Variants in HDAC9 observed in about 807,000 individuals in gnomAD.
The protein encoded by HDAC9 is histone deacetylase 9.
In HDAC9, 41 loss-of-function variants were observed where a neutral mutation model predicts 139.4. The observed-to-expected ratio is 0.29, with a 90% confidence interval of 0.23 to 0.38. The LOEUF (loss-of-function observed/expected upper bound fraction) is 0.38. Ranked by LOEUF, HDAC9 falls within the 10% of genes least tolerant of loss-of-function variation. The pLI is 1.00. For synonymous variants in HDAC9, 517 were observed against 476.2 expected, an observed-to-expected ratio of 1.09 and a Z score of -1.12; for missense variants, 1,147 against 1,297.0, an observed-to-expected ratio of 0.88 and a Z score of 1.78.
At chr7:18,618,467 T>C (rs1372868041) in intron 6 of HDAC9, among the ~76,000 whole-genome samples, 5 of 151,942 alleles carry the variant, frequency 3.3e-5, no homozygotes, top group Admixed American at 3.3e-4. Flanking sequence ...TTCTGGACCA[T>C]GAAATCCTGA....
intron 1 of HDAC9, among the ~76,000 whole-genome samples, chr7:18,345,585 A>C (rs1585279074): frequency 6.6e-6 from 1 of 152,012 alleles, no homozygotes; most frequent in South Asian, 2.1e-4. Context: ...AAAAAAAAAA[A>C]AAACTACAAA....
intron 11 of HDAC9, among the ~76,000 whole-genome samples, chr7:18,664,536 T>G (rs1441037434): frequency 1.3e-5 from 2 of 152,250 alleles, no homozygotes; most frequent in East Asian, 1.9e-4. Flanking sequence ...CCACTAGCCT[T>G]TTGGTGACTT....
intron 24 of HDAC9, chr7:18,954,433 T>C: frequency 2.1e-6 from 1 of 465,460 alleles, no homozygotes; most frequent in East Asian, 3.8e-5. Flanking sequence ...AGATTTAGAA[T>C]CTTGTTTTTC....
At chr7:18,576,825 G>T (rs1045422865) in intron 2 of HDAC9, among the ~76,000 whole-genome samples, 9 of 152,134 alleles carry the variant, frequency 5.9e-5, no homozygotes, top group African/African-American at 1.9e-4. Flanking sequence ...GAGAATCCCA[G>T]TAGTACCTGT....
At chr7:18,605,431 T>G (rs1013926275) in intron 6 of HDAC9, among the ~76,000 whole-genome samples, 3 of 152,184 alleles carry the variant, frequency 2.0e-5, no homozygotes. Flanking sequence ...CTCTGTAAAA[T>G]ATTTTCCCTT....
intron 1 of HDAC9, among the ~76,000 whole-genome samples, chr7:18,421,259 C>T (rs1477298614): frequency 3.3e-5 from 5 of 151,782 alleles, no homozygotes; most frequent in African/African-American, 1.2e-4. Flanking sequence ...CTTTAAGAAA[C>T]AGGTAAATTT....
At chr7:18,489,503 A>C (rs111547989) in intron 1 of HDAC9, among the ~76,000 whole-genome samples, 1,879 of 152,108 alleles carry the variant, frequency 0.012, 37 homozygotes, top group African/African-American at 0.043. Flanking sequence ...TTTTGAATCC[A>C]TGCTTATAAA....
intron 7 of HDAC9, among the ~76,000 whole-genome samples, chr7:18,630,192 T>A (rs1781901264): frequency 6.6e-6 from 1 of 152,018 alleles, no homozygotes; most frequent in Non-Finnish European, 1.5e-5. Flanking sequence ...GCCAAAATAC[T>A]TCTACTTACT....
At chr7:18,954,029 C>T in intron 23 of HDAC9, 117 bp from the exon 24 acceptor site, 1 of 684,426 alleles carries the variant, frequency 1.5e-6, no homozygotes. Flanking sequence ...AAAATGTTAA[C>T]TAGTTCTCGG....
chr7:18,511,775 C>G (rs1801584516), intron 2 of HDAC9, among the ~76,000 whole-genome samples: 1 of 152,094 alleles, frequency 6.6e-6, no homozygotes, highest in Admixed American at 6.6e-5. Context: ...CCACTTTCTT[C>G]ACACCCCTGC....
At chr7:18,629,037 A>G (rs1421224102) in intron 6 of HDAC9, among the ~76,000 whole-genome samples, 1 of 152,202 alleles carries the variant, frequency 6.6e-6, no homozygotes, top group Non-Finnish European at 1.5e-5. Context: ...AAACACAATT[A>G]GTAATTAAAC....
Position 18,648,456 on chromosome 7 carries a change from T to G in HDAC9, c.1250-10T>G, listed in dbSNP as rs1317955131. 2 of 1,606,072 alleles carry G rather than the reference T, an allele frequency of 1.2e-6. No homozygotes were observed. The highest frequency in any genetic ancestry group is 2.2e-5 in the South Asian group (2 of 90,878). Reference sequence around the variant, plus strand: ...TGTATACACACATATACATGTATTTTTTTTTTCAGGTGGAGTTCCCTTACA... The same window carrying G: ...TGTATACACACATATACATGTATTTGTTTTTTCAGGTGGAGTTCCCTTACA... On this transcript the variant is annotated splice_polypyrimidine_tract_variant and intron_variant, in intron 10 of 25. Transcript: ENST00000686413.
At chr7:18,556,701 T>C (rs1449369079) in intron 2 of HDAC9, among the ~76,000 whole-genome samples, 1 of 152,092 alleles carries the variant, frequency 6.6e-6, no homozygotes, top group East Asian at 1.9e-4. Flanking sequence ...CTTATCTTAA[T>C]ATTTAACTCA....
chr7:18,563,183 A>G (rs1431451494), intron 2 of HDAC9, among the ~76,000 whole-genome samples: 1 of 152,174 alleles, frequency 6.6e-6, no homozygotes, highest in Non-Finnish European at 1.5e-5. Flanking sequence ...TGACTTTAAA[A>G]TTAATTTCAA....
intron 1 of HDAC9, among the ~76,000 whole-genome samples, chr7:18,358,298 T>C (rs1783487418): frequency 6.6e-6 from 1 of 152,232 alleles, no homozygotes; most frequent in Non-Finnish European, 1.5e-5. Flanking sequence ...TGGGAAGTAA[T>C]GTGTTGAGTC....
In HDAC9 at chr7:18,545,576, A is replaced by G. The variant is rs79347823; in HGVS notation, c.23-39705A>G. Among the ~76,000 whole-genome samples, 772 of 152,304 alleles carry G rather than the reference A, an allele frequency of 5.1e-3. 9 individuals are homozygous for G. The highest frequency in any genetic ancestry group is 0.017 in the African/African-American group (691 of 41,564). On this transcript the variant is annotated intron_variant, in intron 2 of 25. Transcript: ENST00000686413. Reference sequence around the variant, plus strand: ...GGGCACCATAAAGCAGAAGGCTTGAAACTGCTGGGCTTGACTTTAAGTTCC... The same window carrying G: ...GGGCACCATAAAGCAGAAGGCTTGAGACTGCTGGGCTTGACTTTAAGTTCC...
chr7:18,143,489 A>G (rs1015177184), intron 1 of HDAC9, among the ~76,000 whole-genome samples: 1 of 152,196 alleles, frequency 6.6e-6, no homozygotes, highest in Non-Finnish European at 1.5e-5. Flanking sequence ...AATTGCTGCT[A>G]TGATCAAGTA....
At chr7:18,653,366 T>G (rs1034572243) in intron 11 of HDAC9, among the ~76,000 whole-genome samples, 10 of 152,112 alleles carry the variant, frequency 6.6e-5, no homozygotes, top group African/African-American at 2.4e-4. Flanking sequence ...ATCTTGTTCT[T>G]ATTATATCTC....
intron 2 of HDAC9, among the ~76,000 whole-genome samples, chr7:18,173,547 T>C (rs1180918141): frequency 6.6e-6 from 1 of 152,264 alleles, no homozygotes; most frequent in African/African-American, 2.4e-5. Flanking sequence ...CTTCCTAGCA[T>C]TGACGGTCTT....
Sources: allele counts gnomAD v4.1 joint callset (sites outside exome capture counted in the v4.1 genomes callset), GRCh38; gene constraint gnomAD v4.1.1; transcripts MANE v1.5; gene names NCBI Gene and HGNC (gene_info 2026-07-23, HGNC 2026-07-21).